Variants in OPCML observed in about 807,000 individuals in gnomAD.
OPCML encodes the protein opioid-binding protein/cell adhesion molecule.
OPCML carries 13 observed loss-of-function variants against 37.8 expected under a neutral mutation model. The ratio of observed to expected loss-of-function variants is 0.34; its 90% CI spans 0.22 to 0.55. The LOEUF (loss-of-function observed/expected upper bound fraction) is 0.55, where lower values mean the gene tolerates loss of function less well. OPCML is among the 20% of genes least tolerant of loss of function. OPCML has a pLI of 0.91. For missense variants in OPCML, 341 were observed against 435.6 expected (o/e 0.78, Z 1.93); for synonymous variants, 176 against 168.8 (o/e 1.04, Z -0.33).
Position 133,047,748 on chromosome 11 carries a change from G to T in OPCML, c.62-104738C>A, listed in dbSNP as rs77532891. Reference sequence around the variant, plus strand: ...AAAGATTACAGCTCAGAAGCAGACAGGGTGGGAAAAGGAGAAAGGATTTGA... The same window carrying T: ...AAAGATTACAGCTCAGAAGCAGACATGGTGGGAAAAGGAGAAAGGATTTGA... On this transcript the variant is annotated intron_variant, in intron 1 of 7. Coordinates refer to ENST00000524381, the MANE Select transcript of OPCML (RefSeq NM_001012393.5). Among the ~76,000 whole-genome samples the T allele has an allele frequency of 5.0e-3, 764 of 152,352 alleles. 7 individuals carry two copies. The highest frequency in any genetic ancestry group is 0.017 in the African/African-American group (723 of 41,578).
intron 1 of OPCML, among the ~76,000 whole-genome samples, chr11:133,196,999 A>G (rs955582265): frequency 2.6e-5 from 4 of 152,218 alleles, no homozygotes; most frequent in Admixed American, 6.5e-5. Context: ...AAGGAAGCCA[A>G]TCCAACTGGG....
chr11:132,836,771 C>T (rs555491490), intron 2 of OPCML, among the ~76,000 whole-genome samples: 27 of 152,126 alleles, frequency 1.8e-4, no homozygotes, highest in Admixed American at 9.2e-4. Context: ...TAAGCCCCAG[C>T]GGAAAAATCA....
At chr11:132,476,515 A>G (rs2096156402) in intron 4 of OPCML, among the ~76,000 whole-genome samples, 1 of 152,212 alleles carries the variant, frequency 6.6e-6, no homozygotes, top group African/African-American at 2.4e-5. Flanking sequence ...CGGCCATAAA[A>G]AAGGATGAGT....
chr11:133,381,709 G>C (rs1313599239), intron 1 of OPCML, among the ~76,000 whole-genome samples: 1 of 152,194 alleles, frequency 6.6e-6, no homozygotes, highest in African/African-American at 2.4e-5. Context: ...GTCAGAAATG[G>C]GCAATGTCCT....
intron 1 of OPCML, among the ~76,000 whole-genome samples, chr11:133,394,199 A>G (rs1415349535): frequency 3.3e-5 from 5 of 152,194 alleles, no homozygotes; most frequent in Non-Finnish European, 7.3e-5. Context: ...GAGCCAACAT[A>G]TTATAGTTGC....
intron 1 of OPCML, among the ~76,000 whole-genome samples, chr11:133,042,041 G>T (rs538171568): frequency 5.9e-5 from 9 of 152,080 alleles, no homozygotes; most frequent in Non-Finnish European, 1.2e-4. Flanking sequence ...GTGCAGAGCT[G>T]GGGGGTGGGG....
intron 1 of OPCML, among the ~76,000 whole-genome samples, chr11:133,278,388 C>G (rs1397668828): frequency 1.3e-5 from 2 of 152,096 alleles, no homozygotes; most frequent in African/African-American, 2.4e-5. Context: ...TTATAAATCT[C>G]TTTCTTTACA....
At chr11:133,413,929 C>G (rs993846293) in intron 1 of OPCML, among the ~76,000 whole-genome samples, 1 of 152,116 alleles carries the variant, frequency 6.6e-6, no homozygotes, top group Admixed American at 6.5e-5. Flanking sequence ...GCACTGCAGT[C>G]CCTGGAGGAG....
chr11:133,009,066 A>C (rs952178584), intron 1 of OPCML: 14 of 985,300 alleles, frequency 1.4e-5, no homozygotes, highest in Non-Finnish European at 2.4e-6. Context: ...AGATTACTTA[A>C]GTCTACATGT....
intron 1 of OPCML, among the ~76,000 whole-genome samples, chr11:132,982,535 T>C (rs1311024581): frequency 6.7e-6 from 1 of 149,972 alleles, no homozygotes; most frequent in Non-Finnish European, 1.5e-5. Context: ...AAAAAAGTTG[T>C]AGCTACACTA....
chr11:133,425,723 AT>A (rs1328564267), intron 1 of OPCML, among the ~76,000 whole-genome samples: 1 of 152,046 alleles, frequency 6.6e-6, no homozygotes, highest in African/African-American at 2.4e-5. Flanking sequence ...AAACTGGGTG[AT>A]TTTTTCCCTT....
chr11:133,100,319 AT>A (rs1380818609), intron 1 of OPCML, among the ~76,000 whole-genome samples: 1 of 152,224 alleles, frequency 6.6e-6, no homozygotes, highest in African/African-American at 2.4e-5. Context: ...TGAACCTAAA[AT>A]AAAAGTTATA....
chr11:132,741,943 C>T (rs1427063849), intron 2 of OPCML, among the ~76,000 whole-genome samples: 5 of 151,814 alleles, frequency 3.3e-5, no homozygotes, highest in African/African-American at 1.2e-4. Flanking sequence ...GCAGGAGAAT[C>T]ACTTGAACCC....
chr11:133,283,268 C>A (rs947756271), intron 1 of OPCML, among the ~76,000 whole-genome samples: 1 of 152,088 alleles, frequency 6.6e-6, no homozygotes, highest in African/African-American at 2.4e-5. Flanking sequence ...GGGGCAGATC[C>A]TGCATGAATG....
rs116734423 is a variant in OPCML, at chr11:132,719,585, G to T, written c.147-62266C>A. Among the ~76,000 whole-genome samples, 1,124 of 152,244 alleles carry T rather than the reference G, an allele frequency of 7.4e-3. 11 individuals are homozygous for T. The highest frequency in any genetic ancestry group is 0.026 in the African/African-American group (1,066 of 41,534). ...GCTGCTGCCAAGGAGAACCAGAAGG[G>T]GTGCATTTTCAGCCAGGCAGATTCC... On this transcript the variant is annotated intron_variant, in intron 2 of 7. Transcript: ENST00000524381.
At chr11:133,293,812 C>T (rs944454037) in intron 1 of OPCML, among the ~76,000 whole-genome samples, 7 of 151,546 alleles carry the variant, frequency 4.6e-5, no homozygotes, top group Admixed American at 3.3e-4. Context: ...GGCTTGAAGA[C>T]GCAGGTGACA....
At chr11:132,715,368 A>T (rs1944432858) in intron 2 of OPCML, among the ~76,000 whole-genome samples, 1 of 152,216 alleles carries the variant, frequency 6.6e-6, no homozygotes, top group African/African-American at 2.4e-5. Context: ...AGTGTTCTTT[A>T]GTGTCAAGAA....
chr11:133,118,883 C>A (rs937978778), intron 1 of OPCML, among the ~76,000 whole-genome samples: 2 of 152,270 alleles, frequency 1.3e-5, no homozygotes, highest in South Asian at 2.1e-4. Context: ...CCAGTGGAGA[C>A]CCTCCACCAA....
intron 1 of OPCML, among the ~76,000 whole-genome samples, chr11:133,097,293 A>T (rs1034228750): frequency 4.6e-5 from 7 of 152,222 alleles, no homozygotes; most frequent in Admixed American, 4.6e-4. Flanking sequence ...TCCACTTCTA[A>T]ATGACCCGTG....
Sources: gnomAD v4.1 joint callset for allele counts (sites outside exome capture counted in the v4.1 genomes callset) on GRCh38, gnomAD v4.1.1 for gene constraint, MANE v1.5 for transcripts, NCBI Gene and HGNC (gene_info 2026-07-23, HGNC 2026-07-21) for gene names.